PLCG1: variants seen among roughly 807,000 people sequenced by gnomAD.
PLCG1 encodes 1-phosphatidylinositol 4,5-bisphosphate phosphodiesterase gamma-1.
A neutral mutation model predicts 177.8 loss-of-function variants in PLCG1; 71 were observed. The observed-to-expected ratio is 0.40, with a 90% CI of 0.33 to 0.49. PLCG1 has a LOEUF of 0.49. PLCG1 is among the 20% of genes least tolerant of loss of function. The pLI, the probability that PLCG1 is intolerant of heterozygous loss-of-function variation, is 0.72. For missense variants in PLCG1, 1,281 were observed against 1,709.0 expected (o/e 0.75, Z 4.42); for synonymous variants, 658 against 647.9 (o/e 1.02, Z -0.24).
chr20:41,147,850 TA>T lies in PLCG1; in HGVS notation c.217+10007del, dbSNP rs376827069. On this transcript the variant is annotated intron_variant, in intron 1 of 31. Coordinates refer to ENST00000685551, the MANE Select transcript of PLCG1 (RefSeq NM_002660.3). This position sits in a 1 kb window ranked among gnomAD's most constrained non-coding sequence, Gnocchi z 4.0. ...GTGACAGAGCAAGACTCTGTCTCTTTAAAAAAAAAAAAAAATTTAAGCTGGG... is the reference window on the plus strand; with the variant it reads ...GTGACAGAGCAAGACTCTGTCTCTTTAAAAAAAAAAAAAATTTAAGCTGGG... Among the ~76,000 whole-genome samples, 266 of 142,216 alleles carry T rather than the reference TA, an allele frequency of 1.9e-3. No individual in the cohort carries two copies. The highest frequency in any genetic ancestry group is 3.6e-3 in the Middle Eastern group (1 of 274). The allele number at this position is 142,216 out of a possible 152,430, so 93.3% of individuals were successfully genotyped here.
chr20:41,173,898 A>C lies in PLCG1; in HGVS notation c.3557-25A>C. Reference sequence around the variant, plus strand: ...CCCTTGCTCTGTCCCTCGTGGGCTGAGGGCCAGGCTTTTCCTCCTCCTAGG... The same window carrying C: ...CCCTTGCTCTGTCCCTCGTGGGCTGCGGGCCAGGCTTTTCCTCCTCCTAGG... On this transcript the variant is annotated intron_variant, in intron 29 of 31. Coordinates refer to ENST00000685551, the MANE Select transcript of PLCG1 (RefSeq NM_002660.3). The surrounding 1 kb of genome is among the most constrained non-coding windows in gnomAD (Gnocchi z 6.2). 1 of 1,612,642 alleles carries C rather than the reference A, an allele frequency of 6.2e-7. No homozygotes were observed. The highest frequency in any genetic ancestry group is 8.5e-7 in the Non-Finnish European group (1 of 1,178,732).
rs975917977 is a variant in PLCG1 at position 41,151,399 on chromosome 20, C to T, written c.218-8207C>T. ...GACCAAGCTTGTCCAACTCGCTGCC[C>T]GCGGGTCTGGTTTGAAGGCAGCTGC... On this transcript the variant is annotated intron_variant, in intron 1 of 31. Coordinates refer to ENST00000685551, the MANE Select transcript of PLCG1 (RefSeq NM_002660.3). The surrounding 1 kb of genome is among the most constrained non-coding windows in gnomAD (Gnocchi z 5.5). Among the ~76,000 whole-genome samples the T allele has an allele frequency of 3.9e-5, 6 of 152,190 alleles. No individual in the cohort carries two copies. Among genetic ancestry groups the T allele is most frequent in the South Asian group, 2.1e-4 (1 of 4,830 alleles).
chr20:41,162,117 C>A (rs1192719653), intron 4 of PLCG1, among the ~76,000 whole-genome samples: 3 of 152,044 alleles, frequency 2.0e-5, no homozygotes, highest in Non-Finnish European at 4.4e-5. Flanking sequence ...TCAGCAGTGC[C>A]GGTAGGAGGG....
rs187689776 is a variant in PLCG1, at chr20:41,150,382, G to T, written c.218-9224G>T. On this transcript the variant is annotated intron_variant, in intron 1 of 31. Transcript: ENST00000685551. This position sits in a 1 kb window ranked among gnomAD's most constrained non-coding sequence, Gnocchi z 4.0. The stretch of plus-strand genomic sequence containing the variant: ...AAGTAGCCTGAGTGTACTATGTGGG[G>T]GAGCATTTTATGAGGGACTTTTGAG... Among the ~76,000 whole-genome samples, 238 of 152,276 alleles carry T rather than the reference G, an allele frequency of 1.6e-3. No individual in the cohort carries two copies. The highest frequency in any genetic ancestry group is 1.4e-3 in the Non-Finnish European group (98 of 68,022).
intron 4 of PLCG1, 52 bp from the exon 5 acceptor site, chr20:41,162,400 A>C: frequency 3.5e-6 from 5 of 1,427,230 alleles, no homozygotes; most frequent in Non-Finnish European, 5.0e-6. Context: ...CCCACAGGTC[A>C]GAGGTCATGA....
chr20:41,145,456 C>T (rs1431911914), intron 1 of PLCG1, among the ~76,000 whole-genome samples: 2 of 152,146 alleles, frequency 1.3e-5, no homozygotes, highest in African/African-American at 2.4e-5. Context: ...TGGCCCTTGC[C>T]TAATTGTCAT....
Position 41,163,265 on chromosome 20 carries a change from A to G in PLCG1, c.779A>G (p.Asp260Gly). Residue 260 changes from aspartate to glycine, a missense_variant, in exon 8 of 32, where the codon GAC (aspartate) becomes GGC (glycine). Around this residue, in one of 4 missense-constraint regions of PLCG1, gnomAD observed 374 missense variants for 443.8 expected, o/e 0.84. Coordinates refer to ENST00000685551, the MANE Select transcript of PLCG1 (RefSeq NM_002660.3). This position sits in a 1 kb window ranked among gnomAD's most constrained non-coding sequence, Gnocchi z 5.2. ...CCTGAGTTCCAGCAGTTCCTTCTTGACTACCAGGGGGTATGGCTGGGCTGA... is the reference window on the plus strand; with the variant it reads ...CCTGAGTTCCAGCAGTTCCTTCTTGGCTACCAGGGGGTATGGCTGGGCTGA... ...SLPEFQQFLLDYQGELWAVDR... is the reference protein window; with the variant it reads ...SLPEFQQFLLGYQGELWAVDR... 6.4e-7 allele frequency: 1 copy of G among 1,558,792 alleles called. No homozygotes were observed. The highest frequency in any genetic ancestry group is 8.7e-7 in the Non-Finnish European group (1 of 1,154,598).
rs141753549 is a variant in PLCG1, at chr20:41,173,846, A to C, written c.3556+33A>C. The C allele has an allele frequency of 1.0e-3, 1,640 of 1,610,864 alleles. No individual in the cohort carries two copies. The highest frequency in any genetic ancestry group is 1.3e-3 in the Non-Finnish European group (1,535 of 1,177,472). On this transcript the variant is annotated intron_variant, in intron 29 of 31. Coordinates refer to ENST00000685551, the MANE Select transcript of PLCG1 (RefSeq NM_002660.3). The surrounding 1 kb of genome is among the most constrained non-coding windows in gnomAD (Gnocchi z 6.2). ...CCATTCCTGGAGGCAGTGCCCCTGC[A>C]ATCTTGCTGGCAGGGTGGGGCTGGG...
At position 41,173,328 on chromosome 20, in the gene PLCG1, C is replaced by A; in HGVS notation, c.3280-92C>A. 1 of 1,350,816 alleles carries A rather than the reference C, an allele frequency of 7.4e-7. No individual in the cohort carries two copies. The highest frequency in any genetic ancestry group is 2.7e-4 in the Middle Eastern group (1 of 3,730). The allele number at this position is 1,350,816 out of a possible 1,614,324, so 83.7% of individuals were successfully genotyped here. Reference sequence around the variant, plus strand: ...CGGGGGCCCAGCAGAGGGCGCGCTGCCTCCACTCCACAGATGCTGACTGAG... The same window carrying A: ...CGGGGGCCCAGCAGAGGGCGCGCTGACTCCACTCCACAGATGCTGACTGAG... On this transcript the variant is annotated intron_variant, in intron 27 of 31. Coordinates refer to ENST00000685551, the MANE Select transcript of PLCG1 (RefSeq NM_002660.3). This position sits in a 1 kb window ranked among gnomAD's most constrained non-coding sequence, Gnocchi z 6.2.
Position 41,168,844 on chromosome 20 carries a change from G to T in PLCG1, c.2457G>T (p.Gln819His), listed in dbSNP as rs1213005459. ...CCTTCATCAAGAGCGCCATCATCCA[G>T]AATGTGGAGAAGCAAGAGGGAGGCT... ...ELTFIKSAII[Q>H]NVEKQEGGWW... The change falls in exon 21 of 32, where the codon CAG (glutamine) becomes CAT (histidine). Residue 819 changes from glutamine to histidine, a missense_variant. This residue lies in a region of PLCG1 where 723 missense variants were observed against 1,030.0 expected (regional missense o/e 0.70). Coordinates refer to ENST00000685551, the MANE Select transcript of PLCG1 (RefSeq NM_002660.3). 1 of 1,611,666 alleles carries T rather than the reference G, an allele frequency of 6.2e-7. No homozygotes were observed. The highest frequency in any genetic ancestry group is 1.3e-5 in the African/African-American group (1 of 74,994).
Position 41,174,408 on chromosome 20 carries a change from T to G in PLCG1, c.3834-59T>G, listed in dbSNP as rs2035998560. ...CCTGGGTAGAAAAGTTGTAATATTGTCTGGCATTGGGCTGCAAGGCCCTGC... is the reference window on the plus strand; with the variant it reads ...CCTGGGTAGAAAAGTTGTAATATTGGCTGGCATTGGGCTGCAAGGCCCTGC... On this transcript the variant is annotated intron_variant, in intron 31 of 31. Coordinates refer to ENST00000685551, the MANE Select transcript of PLCG1 (RefSeq NM_002660.3). The surrounding 1 kb of genome is among the most constrained non-coding windows in gnomAD (Gnocchi z 5.8). The G allele has an allele frequency of 6.3e-7, 1 of 1,596,390 alleles. No individual in the cohort carries two copies. Among genetic ancestry groups the G allele is most frequent in the Non-Finnish European group, 8.6e-7 (1 of 1,167,674 alleles).
In PLCG1 at chr20:41,169,466, G is replaced by A. The variant is rs772887861; in HGVS notation, c.2590G>A (p.Glu864Lys). ...GCTTTGCTTCCCACAGCACTTGGAC[G>A]AGAACAGCCCCCTAGGGGACTTGCT... ...ALEPEREHLD[E>K]NSPLGDLLRG... The change falls in exon 23 of 32, where the codon GAG (glutamate) becomes AAG (lysine). Residue 864 changes from glutamate to lysine, a missense_variant. Glu to Lys is a moderately conservative substitution (Grantham distance 56). Coordinates refer to ENST00000685551, the MANE Select transcript of PLCG1 (RefSeq NM_002660.3). The A allele has an allele frequency of 4.3e-6, 7 of 1,613,218 alleles. No individual in the cohort carries two copies. Among genetic ancestry groups the A allele is most frequent in the African/African-American group, 2.7e-5 (2 of 74,914 alleles).
intron 21 of PLCG1, 72 bp from the exon 22 acceptor site, chr20:41,169,007 C>G (rs8183460): frequency 7.7e-7 from 1 of 1,298,796 alleles, no homozygotes; most frequent in Non-Finnish European, 1.1e-6. Flanking sequence ...CATGGGAACC[C>G]CTACCAAAGG....
chr20:41,143,630 C>T (rs1172605592), intron 1 of PLCG1, among the ~76,000 whole-genome samples: 1 of 152,158 alleles, frequency 6.6e-6, no homozygotes, highest in Non-Finnish European at 1.5e-5. Flanking sequence ...TTCAGGCTAC[C>T]ATTGACCAGA....
At position 41,177,140 on chromosome 20, in the gene PLCG1, CTCCCT is replaced by C. The variant is rs2036086360; in HGVS notation, c.*2633_*2637del. On this transcript the variant is annotated 3_prime_UTR_variant, in exon 32 of 32. Transcript: ENST00000685551. Reference sequence around the variant, plus strand: ...TCAGTGGTACCAGAAGGTAGATGGGCTCCCTTGCAGGCTCCTTGTTCTCCTGCCAT... The same window carrying C: ...TCAGTGGTACCAGAAGGTAGATGGGCTGCAGGCTCCTTGTTCTCCTGCCAT... 6.6e-6 allele frequency: 1 copy of C among 152,272 alleles called. No homozygotes were observed. 9.4% of individuals were successfully genotyped at this position (152,272 alleles called of 1,614,324 possible).
Position 41,173,918 on chromosome 20 carries a change from C to T in PLCG1, c.3557-5C>T, listed in dbSNP as rs200202508. ...GGCTGAGGGCCAGGCTTTTCCTCCT[C>T]CTAGGATACAGAGCAGTGCCTTTGA... On this transcript the variant is annotated splice_polypyrimidine_tract_variant and splice_region_variant and intron_variant, in intron 29 of 31. Transcript: ENST00000685551. The surrounding 1 kb of genome is among the most constrained non-coding windows in gnomAD (Gnocchi z 6.2). 6.5e-5 allele frequency: 105 copies of T among 1,613,738 alleles called. 1 individual carries two copies. The African/African-American group carries it at 1.3e-3, about 20-fold the overall frequency.
chr20:41,141,028 A>G (rs899935418), intron 1 of PLCG1, among the ~76,000 whole-genome samples: 1 of 152,160 alleles, frequency 6.6e-6, no homozygotes, highest in African/African-American at 2.4e-5. Context: ...GGCAAAGACC[A>G]CTTTGGCTTT....
chr20:41,168,001 C>A, intron 20 of PLCG1, 72 bp downstream of exon 20: 1 of 1,013,542 alleles, frequency 9.9e-7, no homozygotes, highest in Non-Finnish European at 1.6e-6. Flanking sequence ...TTTCTGTGTT[C>A]TGGGCCATCT....
Position 41,151,941 on chromosome 20 carries a change from A to AC in PLCG1, c.218-7661dup, listed in dbSNP as rs2035178903. Among the ~76,000 whole-genome samples the AC allele has an allele frequency of 6.6e-6, 1 of 152,132 alleles. No homozygotes were observed. The highest frequency in any genetic ancestry group is 1.5e-5 in the Non-Finnish European group (1 of 68,016). ...GGATCTGCAGTGCAGTGCCTGCCGT[A>AC]CCCCACAGGGAGTTGTATAGGAACC... is the stretch of plus-strand genomic sequence containing the variant. On this transcript the variant is annotated intron_variant, in intron 1 of 31. Coordinates refer to ENST00000685551, the MANE Select transcript of PLCG1 (RefSeq NM_002660.3). This position sits in a 1 kb window ranked among gnomAD's most constrained non-coding sequence, Gnocchi z 5.5.
Sources: gnomAD v4.1 joint callset for allele counts (sites outside exome capture counted in the v4.1 genomes callset) on GRCh38, gnomAD v4.1.1 for gene constraint, gnomAD v4.1.1 regional missense constraint, Gnocchi (gnomAD v3.1) non-coding constraint, MANE v1.5 for transcripts, NCBI Gene and HGNC (gene_info 2026-07-23, HGNC 2026-07-21) for gene names.